Variants in KCNN1 observed in about 807,000 individuals in gnomAD.
KCNN1 encodes the protein potassium calcium-activated channel subfamily N member 1.
KCNN1 carries 20 observed loss-of-function variants against 44.7 expected under a neutral mutation model. That is an observed-to-expected ratio of 0.45 (90% confidence interval 0.32 to 0.65). The LOEUF is 0.65. KCNN1 is among the 30% of genes least tolerant of loss of function. The pLI is 0.05. For synonymous variants in KCNN1, 324 were observed against 341.7 expected, an observed-to-expected ratio of 0.95 and a Z score of 0.57; for missense variants, 632 against 785.3, an observed-to-expected ratio of 0.80 and a Z score of 2.33.
At chr19:17,994,611 T>C (rs2032918904) in intron 9 of KCNN1, among the ~76,000 whole-genome samples, 2 of 151,878 alleles carry the variant, frequency 1.3e-5, no homozygotes, top group South Asian at 4.1e-4. Context: ...TGGCGTGATC[T>C]CAGCTCACTG....
intron 5 of KCNN1, 132 bp from the exon 6 acceptor site, chr19:17,988,283 T>G: frequency 1.5e-6 from 1 of 675,372 alleles, no homozygotes; most frequent in South Asian, 1.8e-5. Context: ...CTGAAGTCAG[T>G]GAGCTCAGCA....
intron 1 of KCNN1, among the ~76,000 whole-genome samples, chr19:17,951,889 T>A (rs1599983076): frequency 6.6e-6 from 1 of 152,302 alleles, no homozygotes; most frequent in South Asian, 2.1e-4. Flanking sequence ...CCCTGTTCCG[T>A]GCTGCTGGGA....
chr19:17,970,930 C>T (rs1385085603), intron 1 of KCNN1, among the ~76,000 whole-genome samples: 1 of 151,442 alleles, frequency 6.6e-6, no homozygotes, highest in African/African-American at 2.4e-5. Context: ...GTTGCCCAGG[C>T]TGGAGTGCAG....
chr19:17,988,041 G>A (rs1203309302), intron 5 of KCNN1, among the ~76,000 whole-genome samples: 1 of 150,474 alleles, frequency 6.6e-6, no homozygotes, highest in African/African-American at 2.4e-5. Flanking sequence ...TCTAGTTCCA[G>A]CTACTCAGGA....
Position 17,974,080 on chromosome 19 carries a change from G to A in KCNN1, c.192G>A (p.Gln64=). Residue 64 remains glutamine, a synonymous_variant, in exon 2 of 10, where the codon CAG becomes CAA. Transcript: ENST00000684775. This position sits in a 1 kb window ranked among gnomAD's most constrained non-coding sequence, Gnocchi z 7.3. Reference sequence around the variant, plus strand: ...CCGGCAGCCCCCGGGGGCAGCCCCAGGACCAGGACGATGACGAGGATGATG... The same window carrying A: ...CCGGCAGCCCCCGGGGGCAGCCCCAAGACCAGGACGATGACGAGGATGATG... ...PSPGSPRGQP[Q]DQDDDEDDEE... 6.2e-7 allele frequency: 1 copy of A among 1,611,716 alleles called. No individual in the cohort carries two copies. The highest frequency in any genetic ancestry group is 1.1e-5 in the South Asian group (1 of 91,088).
chr19:17,998,348 A>T lies in KCNN1; in HGVS notation c.1574A>T (p.Gln525Leu). 1.3e-6 allele frequency: 2 copies of T among 1,504,374 alleles called. No individual in the cohort carries two copies. Among genetic ancestry groups the T allele is most frequent in the Non-Finnish European group, 8.8e-7 (1 of 1,130,170 alleles). The allele number at this position is 1,504,374 out of a possible 1,614,324, so 93.2% of individuals were successfully genotyped here. A position where few individuals can be genotyped will look rare whatever the true frequency, so the allele number is the denominator to read the frequency against. Residue 525 changes from glutamine (Q) to leucine (L), a missense_variant, in exon 10 of 10, where the codon CAG becomes CTG. Gln to Leu is a moderately radical substitution (Grantham distance 113). Around this residue, in one of 3 missense-constraint regions of KCNN1, gnomAD observed 237 missense variants for 253.0 expected, o/e 0.94. Transcript: ENST00000684775. This position sits in a 1 kb window ranked among gnomAD's most constrained non-coding sequence, Gnocchi z 5.4. ...AGGCCCGGCCCCGGCCCCCAAGACC[A>T]GGCAGCCCGGAGCTCCCCCTGCCGG... ...PPRPGPGPQD[Q>L]AARSSPCRWT...
intron 1 of KCNN1, among the ~76,000 whole-genome samples, chr19:17,971,002 G>C (rs992024649): frequency 6.6e-6 from 1 of 151,536 alleles, no homozygotes; most frequent in Admixed American, 6.6e-5. Flanking sequence ...TCCTGCCTCA[G>C]CCTCCCAAGT....
intron 2 of KCNN1, among the ~76,000 whole-genome samples, chr19:17,961,929 GA>G (rs11350048): frequency 0.21 from 32,103 of 152,014 alleles, 3,633 homozygotes; most frequent in East Asian, 0.37. Flanking sequence ...AGGTTCTGGG[GA>G]GGACTCAAAT....
intron 9 of KCNN1, among the ~76,000 whole-genome samples, chr19:17,995,578 C>T (rs113528114): frequency 2.0e-5 from 3 of 151,920 alleles, no homozygotes; most frequent in African/African-American, 7.2e-5. Flanking sequence ...GTCAAATATT[C>T]CCATATAACT....
Position 17,986,533 on chromosome 19 carries a change from C to G in KCNN1, c.1059+1080C>G, listed in dbSNP as rs891318309. Among the ~76,000 whole-genome samples the G allele has an allele frequency of 2.6e-5, 4 of 152,166 alleles. No individual in the cohort carries two copies. The South Asian group carries it at 8.3e-4, about 32-fold the overall frequency. ...GTCTGCCGTGGGTGCCTGTGAACAT[C>G]CTTTCACACTCACTGCTTTCTCTTT... On this transcript the variant is annotated intron_variant, in intron 5 of 9. Coordinates refer to ENST00000684775, the MANE Select transcript of KCNN1 (RefSeq NM_001386974.1).
rs2031842730 is a variant in KCNN1, at chr19:17,967,198, C to T, written c.-201C>T. The stretch of plus-strand genomic sequence containing the variant: ...GGCCCCGCCGCCCCCGGGCCCCGCG[C>T]CCGCTCGCTGCTGCCCGCCCCGTCC... On this transcript the variant is annotated 5_prime_UTR_variant, in exon 1 of 10. Coordinates refer to ENST00000684775, the MANE Select transcript of KCNN1 (RefSeq NM_001386974.1). 2.1e-6 allele frequency: 2 copies of T among 963,710 alleles called. No individual in the cohort carries two copies. The highest frequency in any genetic ancestry group is 1.2e-4 in the East Asian group (1 of 8,636). The allele number at this position is 963,710 out of a possible 1,614,324, so 59.7% of individuals were successfully genotyped here. A position where few individuals can be genotyped will look rare whatever the true frequency, so the allele number is the denominator to read the frequency against.
chr19:17,996,166 C>CAAAAAAAAAAA (rs757072562), intron 9 of KCNN1, among the ~76,000 whole-genome samples: 3 of 92,068 alleles, frequency 3.3e-5, no homozygotes, highest in East Asian at 2.9e-4. Context: ...TCCATTGCTA[C>CAAAAAAAAAAA]AAAAAAAAAA....
Position 17,951,993 on chromosome 19 carries a change from C to G in KCNN1, c.-203+584C>G, listed in dbSNP as rs141374998. Reference sequence around the variant, plus strand: ...GGGCCAGAGGCGGCAGAGGGTCCTCCCATCTCTTTGACCGTCTTCTAAGAT... The same window carrying G: ...GGGCCAGAGGCGGCAGAGGGTCCTCGCATCTCTTTGACCGTCTTCTAAGAT... On this transcript the variant is annotated intron_variant, in intron 1 of 10. Transcript: ENST00000222249. Among the ~76,000 whole-genome samples the G allele has an allele frequency of 8.5e-4, 129 of 152,364 alleles. 1 individual carries two copies. Among genetic ancestry groups the G allele is most frequent in the African/African-American group, 3.0e-3 (124 of 41,586 alleles).
At chr19:17,988,330 G>A (rs929589681) in intron 5 of KCNN1, 85 bp from the exon 6 acceptor site, 5 of 1,054,066 alleles carry the variant, frequency 4.7e-6, no homozygotes, top group Non-Finnish European at 7.1e-6. Context: ...CAGAGAATGG[G>A]GAGGCTGCAA....
chr19:17,990,527 G>A (rs1408718781), intron 7 of KCNN1, among the ~76,000 whole-genome samples: 13 of 151,360 alleles, frequency 8.6e-5, no homozygotes, highest in African/African-American at 2.2e-4. Flanking sequence ...AAGGCCGGGC[G>A]CGGTGGCTCA....
rs1033199197 is a variant in KCNN1, at chr19:17,973,143, G to GT, written c.-81-657dup. Among the ~76,000 whole-genome samples the GT allele has an allele frequency of 8.6e-5, 13 of 151,958 alleles. No individual in the cohort carries two copies. In the East Asian group the frequency reaches 1.2e-3, roughly 14 times the overall value. On this transcript the variant is annotated intron_variant, in intron 1 of 9. Transcript: ENST00000684775. ...TGGTGTTTTATTTGTTTTTGTTTTT[G>GT]TTTTTTTTAGAGATCGGCTCTAGTT...
At chr19:17,970,121 G>C (rs1376112071) in intron 1 of KCNN1, among the ~76,000 whole-genome samples, 1 of 151,910 alleles carries the variant, frequency 6.6e-6, no homozygotes, top group Non-Finnish European at 1.5e-5. Context: ...GCCACATGAG[G>C]CTAGGTCTCA....
intron 1 of KCNN1, among the ~76,000 whole-genome samples, chr19:17,971,801 C>G (rs920214310): frequency 3.3e-5 from 5 of 151,884 alleles, no homozygotes; most frequent in African/African-American, 7.3e-5. Context: ...CACAGTTTCC[C>G]CATCTGTAAA....
chr19:17,976,044 C>T (rs1426855185), intron 3 of KCNN1, among the ~76,000 whole-genome samples: 1 of 151,970 alleles, frequency 6.6e-6, no homozygotes, highest in East Asian at 1.9e-4. Context: ...TCAAAGTAGC[C>T]AAAAATCACA....
Sources: allele counts gnomAD v4.1 joint callset (sites outside exome capture counted in the v4.1 genomes callset), GRCh38; gene constraint gnomAD v4.1.1; regional missense constraint gnomAD v4.1.1; non-coding constraint Gnocchi (gnomAD v3.1); transcripts MANE v1.5; gene names NCBI Gene and HGNC (gene_info 2026-07-23, HGNC 2026-07-21).